The following INPP4B variants were observed in gnomAD, a reference collection of about 807,000 sequenced individuals.
The protein encoded by INPP4B is inositol polyphosphate-4-phosphatase type II B.
Under a neutral mutation model 122.5 loss-of-function variants are expected in INPP4B, and 55 were observed. The ratio of observed to expected loss-of-function variants is 0.45; its 90% CI spans 0.36 to 0.56. INPP4B has a LOEUF of 0.56. Ranked by LOEUF, INPP4B falls within the 20% of genes least tolerant of loss-of-function variation. The probability of loss-of-function intolerance (pLI) is 0.00; values close to 1 mark genes in which losing one functional copy is unlikely to be tolerated. For missense variants in INPP4B, 1,000 were observed against 1,097.7 expected, an observed-to-expected ratio of 0.91 and a Z score of 1.26; for synonymous variants, 403 against 388.7, an observed-to-expected ratio of 1.04 and a Z score of -0.43.
In INPP4B at chr4:142,082,171, C is replaced by T. The variant is rs1451203874; in HGVS notation, c.2502G>A (p.Leu834=). 9 of 1,514,594 alleles carry T rather than the reference C, an allele frequency of 5.9e-6. No homozygotes were observed. The highest frequency in any genetic ancestry group is 5.2e-5 in the Admixed American group (3 of 58,246). 93.8% of individuals were successfully genotyped at this position (1,514,594 alleles called of 1,614,324 possible). The change falls in exon 25 of 26, where the codon CTG becomes CTA. Residue 834 remains leucine, a synonymous_variant. Coordinates refer to ENST00000262992, the MANE Select transcript of INPP4B (RefSeq NM_001101669.3). ...MWLAATICRK[L]NGIRFTCCKS... ...TACAACAGGTGAAACGAATACCATT[C>T]AGTTTGCGGCAAATCTGTAACATAT...
chr4:142,423,705 A>G (rs1184246336), intron 5 of INPP4B: 2 of 397,042 alleles, frequency 5.0e-6, no homozygotes, highest in East Asian at 7.2e-5. Context: ...CCTGGTACAG[A>G]TGTATACTGA....
At chr4:142,069,678 A>T (rs923496245) in intron 25 of INPP4B, among the ~76,000 whole-genome samples, 2 of 152,248 alleles carry the variant, frequency 1.3e-5, no homozygotes, top group Non-Finnish European at 2.9e-5. Flanking sequence ...ACAGAAATAC[A>T]AACACTATCA....
chr4:142,665,699 C>T (rs1685961991), intron 2 of INPP4B, among the ~76,000 whole-genome samples: 1 of 151,646 alleles, frequency 6.6e-6, no homozygotes, highest in Admixed American at 6.6e-5. Flanking sequence ...ATTTTCATAA[C>T]CTATGTGAAA....
At chr4:142,176,930 T>C (rs2636683) in intron 15 of INPP4B, among the ~76,000 whole-genome samples, 98,040 of 151,996 alleles carry the variant, frequency 0.65, 32,215 homozygotes, top group Non-Finnish European at 0.7. Context: ...TTACAACCCA[T>C]CTTATTCACA....
At chr4:142,403,284 G>A (rs1413759687) in intron 6 of INPP4B, among the ~76,000 whole-genome samples, 2 of 152,208 alleles carry the variant, frequency 1.3e-5, no homozygotes, top group Non-Finnish European at 1.5e-5. Context: ...ATCATTGTCA[G>A]AGCTGCCTTG....
intron 7 of INPP4B, among the ~76,000 whole-genome samples, chr4:142,346,203 A>G (rs1315053556): frequency 6.6e-6 from 1 of 152,074 alleles, no homozygotes; most frequent in Non-Finnish European, 1.5e-5. Flanking sequence ...GAACTAAAAC[A>G]TTAACAACAC....
At chr4:142,477,657 C>A (rs940709862) in intron 2 of INPP4B, among the ~76,000 whole-genome samples, 4 of 152,070 alleles carry the variant, frequency 2.6e-5, no homozygotes. Context: ...AAACTCTATA[C>A]ACCCAAACTT....
chr4:142,357,124 G>A (rs1322542774), intron 7 of INPP4B, among the ~76,000 whole-genome samples: 1 of 151,948 alleles, frequency 6.6e-6, no homozygotes, highest in Non-Finnish European at 1.5e-5. Context: ...TGATAAATTA[G>A]CAATAGTAAG....
intron 15 of INPP4B, among the ~76,000 whole-genome samples, chr4:142,188,518 A>ACATATATATATATATAT (rs1363710453): frequency 9.5e-6 from 1 of 105,096 alleles, no homozygotes; most frequent in Non-Finnish European, 1.9e-5. Flanking sequence ...AAAGAAAAAA[A>ACATATATATATATATAT]ATATATATAG....
chr4:142,698,551 C>G (rs963236785), intron 2 of INPP4B, among the ~76,000 whole-genome samples: 1 of 152,162 alleles, frequency 6.6e-6, no homozygotes, highest in Non-Finnish European at 1.5e-5. Flanking sequence ...CCTAATTTTT[C>G]TAACTCCCAT....
chr4:142,274,743 A>T (rs1747557860), intron 9 of INPP4B, among the ~76,000 whole-genome samples: 1 of 151,938 alleles, frequency 6.6e-6, no homozygotes, highest in African/African-American at 2.4e-5. Flanking sequence ...TAGCAATAAG[A>T]TGGGGCTGCA....
chr4:142,380,030 C>T (rs1477544850), intron 7 of INPP4B, among the ~76,000 whole-genome samples: 1 of 152,340 alleles, frequency 6.6e-6, no homozygotes, highest in East Asian at 1.9e-4. Context: ...AGGGAAATAA[C>T]TTGAGGCAGA....
At chr4:142,806,174 G>C (rs1243501539) in intron 1 of INPP4B, among the ~76,000 whole-genome samples, 1 of 149,932 alleles carries the variant, frequency 6.7e-6, no homozygotes, top group Non-Finnish European at 1.5e-5. Flanking sequence ...AGCTACTAGG[G>C]AGGTTGAGGC....
rs28405569 is a variant in INPP4B, at chr4:142,806,790, A to G, written c.-254+39419T>C. Among the ~76,000 whole-genome samples the G allele has an allele frequency of 7.8e-3, 842 of 107,770 alleles. 2 individuals carry two copies. The highest frequency in any genetic ancestry group is 0.021 in the Middle Eastern group (5 of 240). The allele number at this position is 107,770 out of a possible 152,430, so 70.7% of individuals were successfully genotyped here. A position where few individuals can be genotyped will look rare whatever the true frequency, so the allele number is the denominator to read the frequency against. ...AAGAAAGAAAGAAAGAAAGAAGGAA[A>G]GAAAGAAAGAAAGAAAGAAAGAAAG... On this transcript the variant is annotated intron_variant, in intron 1 of 25. Transcript: ENST00000262992.
In INPP4B at chr4:142,151,339, T is replaced by C. The variant is rs145047315; in HGVS notation, c.1564-5343A>G. On this transcript the variant is annotated intron_variant, in intron 17 of 25. Coordinates refer to ENST00000262992, the MANE Select transcript of INPP4B (RefSeq NM_001101669.3). ...AACACACACACACATTCACTAAAAA[T>C]AGCCAGACATGTAAACATCCACCAG... Among the ~76,000 whole-genome samples, 163 of 152,196 alleles carry C rather than the reference T, an allele frequency of 1.1e-3. 1 individual carries two copies. The highest frequency in any genetic ancestry group is 3.8e-3 in the African/African-American group (158 of 41,528).
At chr4:142,102,887 C>T (rs1785175053) in intron 23 of INPP4B, among the ~76,000 whole-genome samples, 1 of 152,062 alleles carries the variant, frequency 6.6e-6, no homozygotes, top group South Asian at 2.1e-4. Context: ...TGTCTTTAAA[C>T]ATGCATCAAT....
intron 1 of INPP4B, among the ~76,000 whole-genome samples, chr4:142,731,276 T>G (rs1337978910): frequency 6.6e-6 from 1 of 152,190 alleles, no homozygotes; most frequent in East Asian, 1.9e-4. Flanking sequence ...TGACATTATG[T>G]AACAAGGATA....
chr4:142,357,550 T>C (rs1380317886), intron 7 of INPP4B, among the ~76,000 whole-genome samples: 1 of 152,018 alleles, frequency 6.6e-6, no homozygotes, highest in Non-Finnish European at 1.5e-5. Flanking sequence ...AAACCTCCCT[T>C]TTCTCCTCAG....
chr4:142,738,194 G>T (rs1362111647), intron 1 of INPP4B, among the ~76,000 whole-genome samples: 5 of 152,166 alleles, frequency 3.3e-5, no homozygotes, highest in African/African-American at 9.7e-5. Flanking sequence ...CAGTAGCAAA[G>T]ACTTGGAACC....
Sources: gnomAD v4.1 joint callset for allele counts (sites outside exome capture counted in the v4.1 genomes callset) on GRCh38, gnomAD v4.1.1 for gene constraint, MANE v1.5 for transcripts, NCBI Gene and HGNC (gene_info 2026-07-23, HGNC 2026-07-21) for gene names.